The following MAP4K4 variants were observed in gnomAD, a reference collection of about 807,000 sequenced individuals.
MAP4K4 encodes HPK/GCK-like kinase HGK.
A neutral mutation model predicts 189.6 loss-of-function variants in MAP4K4; 38 were observed. The observed-to-expected ratio is 0.20, with a 90% CI of 0.15 to 0.26. The LOEUF is 0.26. MAP4K4 is among the 10% of genes least tolerant of loss of function. The probability of loss-of-function intolerance (pLI) is 1.00; values close to 1 mark genes in which losing one functional copy is unlikely to be tolerated. For synonymous variants in MAP4K4, 610 were observed against 624.3 expected (o/e 0.98, Z 0.34); for missense variants, 1,054 against 1,726.9 (o/e 0.61, Z 6.91).
At chr2:101,866,352 C>T (rs1416061119) in intron 18 of MAP4K4, 76 bp from the exon 19 acceptor site, 1 of 1,424,778 alleles carries the variant, frequency 7.0e-7, no homozygotes, top group East Asian at 2.3e-5. Context: ...GATGGGCACA[C>T]CATGCACATG....
Position 101,891,059 on chromosome 2 carries a change from A to G in MAP4K4, c.4072-107A>G, listed in dbSNP as rs1347591200. ...TTTTGAAAAGGCTCTTTGGGAGTCT[A>G]AGCTTCTCGTACTTGACAGTGTTGA... is the stretch of plus-strand genomic sequence containing the variant. On this transcript the variant is annotated intron_variant, in intron 32 of 32. Coordinates refer to ENST00000324219, the Ensembl canonical transcript of MAP4K4. 3.5e-6 allele frequency: 3 copies of G among 860,066 alleles called. No homozygotes were observed. In the African/African-American group the frequency reaches 5.0e-5, roughly 14 times the overall value. 53.3% of individuals were successfully genotyped at this position (860,066 alleles called of 1,614,324 possible). A position where few individuals can be genotyped will look rare whatever the true frequency, so the allele number is the denominator to read the frequency against.
At chr2:101,839,669 A>G (rs2096861921) in intron 9 of MAP4K4, 150 bp from the exon 10 acceptor site, 1 of 635,058 alleles carries the variant, frequency 1.6e-6, no homozygotes, top group East Asian at 2.8e-5. Flanking sequence ...CTGAGTTCCT[A>G]TTTATGTTTC....
At chr2:101,870,123 C>A (rs2097940085) in intron 22 of MAP4K4, 172 bp from the exon 23 acceptor site, 3 of 687,880 alleles carry the variant, frequency 4.4e-6, no homozygotes, top group Admixed American at 3.1e-5. Flanking sequence ...ACAAATGGCA[C>A]TGGAAAGAAA....
intron 2 of MAP4K4, among the ~76,000 whole-genome samples, chr2:101,727,795 C>G (rs2056351932): frequency 6.6e-6 from 1 of 152,232 alleles, no homozygotes; most frequent in East Asian, 1.9e-4. Context: ...ATGGTGAAAC[C>G]CTGTCTCTAC....
At chr2:101,782,670 T>G (rs1224219050) in intron 2 of MAP4K4, among the ~76,000 whole-genome samples, 2 of 152,178 alleles carry the variant, frequency 1.3e-5, no homozygotes, top group Non-Finnish European at 2.9e-5. Flanking sequence ...TCCTTACTCC[T>G]GCTCTATTAG....
chr2:101,849,632 T>TC lies in MAP4K4; in HGVS notation c.1233+5321_1233+5322insC, dbSNP rs34915666. Among the ~76,000 whole-genome samples the TC allele has an allele frequency of 5.3e-5, 8 of 151,692 alleles. No homozygotes were observed. In the East Asian group the frequency reaches 9.7e-4, roughly 18 times the overall value. ...TCTCAATAGTTTTGTGCTCTTTTTTTTTTTTTAAATTGAATCATGGTTTGG... is the reference window on the plus strand; with the variant it reads ...TCTCAATAGTTTTGTGCTCTTTTTTTCTTTTTTAAATTGAATCATGGTTTGG... On this transcript the variant is annotated intron_variant, in intron 12 of 32. Coordinates refer to ENST00000324219, the Ensembl canonical transcript of MAP4K4.
At chr2:101,858,283 T>C (rs1312928582) in intron 13 of MAP4K4, among the ~76,000 whole-genome samples, 1 of 152,224 alleles carries the variant, frequency 6.6e-6, no homozygotes, top group Admixed American at 6.5e-5. Flanking sequence ...CTATAACATA[T>C]TTGGGATGTG....
intron 2 of MAP4K4, among the ~76,000 whole-genome samples, chr2:101,781,468 C>G (rs1400564601): frequency 6.6e-6 from 1 of 152,062 alleles, no homozygotes. Context: ...AGCCAAAGGT[C>G]GAGGGGCTGG....
At chr2:101,743,609 G>C (rs2063806770) in intron 2 of MAP4K4, among the ~76,000 whole-genome samples, 1 of 151,916 alleles carries the variant, frequency 6.6e-6, no homozygotes, top group Non-Finnish European at 1.5e-5. Flanking sequence ...ATGTTTACTA[G>C]GGGGAAAATA....
At chr2:101,767,510 C>T (rs1304863330) in intron 2 of MAP4K4, among the ~76,000 whole-genome samples, 2 of 152,136 alleles carry the variant, frequency 1.3e-5, no homozygotes, top group Non-Finnish European at 2.9e-5. Flanking sequence ...CTTGCTTTGG[C>T]GTGTCTTTGG....
intron 28 of MAP4K4, among the ~76,000 whole-genome samples, chr2:101,883,559 A>G (rs1452652786): frequency 6.6e-6 from 1 of 152,196 alleles, no homozygotes; most frequent in East Asian, 1.9e-4. Flanking sequence ...TGTTAGACAT[A>G]CGGGAGAAAT....
intron 2 of MAP4K4, among the ~76,000 whole-genome samples, chr2:101,743,423 A>G (rs990019085): frequency 1.3e-5 from 2 of 151,652 alleles, no homozygotes; most frequent in African/African-American, 4.8e-5. Context: ...TTTTGGATCC[A>G]GTGTTTGTTA....
At chr2:101,730,290 T>A (rs1024689880) in intron 2 of MAP4K4, among the ~76,000 whole-genome samples, 1 of 152,212 alleles carries the variant, frequency 6.6e-6, no homozygotes, top group Admixed American at 6.5e-5. Flanking sequence ...CTTTGTGATA[T>A]GATCATGAGT....
At chr2:101,811,844 G>A (rs2095449839) in intron 3 of MAP4K4, among the ~76,000 whole-genome samples, 1 of 152,148 alleles carries the variant, frequency 6.6e-6, no homozygotes, top group African/African-American at 2.4e-5. Context: ...TTTGGCAGTT[G>A]GTATTGTTGG....
chr2:101,845,037 G>A (rs2149602725), intron 12 of MAP4K4, among the ~76,000 whole-genome samples: 1 of 152,206 alleles, frequency 6.6e-6, no homozygotes, highest in South Asian at 2.1e-4. Context: ...ACAAGTCAAG[G>A]AAGGACCAAT....
At chr2:101,845,320 TAACATTGGTA>T (rs2097066512) in intron 12 of MAP4K4, among the ~76,000 whole-genome samples, 1 of 152,232 alleles carries the variant, frequency 6.6e-6, no homozygotes, top group Non-Finnish European at 1.5e-5. Context: ...TTAATATTGC[TAACATTGGTA>T]ATGTGGTTAC....
chr2:101,868,791 G>A (rs1225762421), intron 21 of MAP4K4, among the ~76,000 whole-genome samples: 2 of 152,146 alleles, frequency 1.3e-5, no homozygotes, highest in East Asian at 3.9e-4. Flanking sequence ...TGAGATGTCA[G>A]TGGCATCCTA....
chr2:101,723,755 A>G (rs1410698532), intron 2 of MAP4K4, among the ~76,000 whole-genome samples: 5 of 152,184 alleles, frequency 3.3e-5, no homozygotes, highest in African/African-American at 1.2e-4. Flanking sequence ...GAAACCATAA[A>G]CTGGTTTGAT....
chr2:101,790,854 C>G (rs1416574230), intron 3 of MAP4K4, 78 bp downstream of exon 3: 3 of 1,235,430 alleles, frequency 2.4e-6, no homozygotes, highest in Non-Finnish European at 3.5e-6. Flanking sequence ...GAGTATTACT[C>G]TGTTTGGAAA....
Sources: gnomAD v4.1 joint callset for allele counts (sites outside exome capture counted in the v4.1 genomes callset) on GRCh38, gnomAD v4.1.1 for gene constraint, MANE v1.5 for transcripts, NCBI Gene and HGNC (gene_info 2026-07-23, HGNC 2026-07-21) for gene names.